The following FBXL2 variants were observed in gnomAD, a reference collection of about 807,000 sequenced individuals.
FBXL2 encodes F-box/LRR-repeat protein 2.
In FBXL2, 38 loss-of-function variants were observed where a neutral mutation model predicts 69.2. That is an observed-to-expected ratio of 0.55 (90% confidence interval 0.42 to 0.72). The LOEUF is 0.72. FBXL2 is among the 30% of genes least tolerant of loss of function. The pLI is 0.00. For synonymous variants in FBXL2, 192 were observed against 201.3 expected (o/e 0.95, Z 0.39); for missense variants, 354 against 520.3 (o/e 0.68, Z 3.11).
exon 13 of FBXL2, chr3:33,403,470 A>G (rs2044306862): frequency 6.7e-6 from 1 of 148,992 alleles, no homozygotes; most frequent in Non-Finnish European, 1.4e-5. Flanking sequence ...TCAACTGTGT[A>G]CAGTACTACA....
chr3:33,350,285 A>G (rs1468058136), intron 2 of FBXL2, among the ~76,000 whole-genome samples: 2 of 152,218 alleles, frequency 1.3e-5, no homozygotes, highest in Non-Finnish European at 2.9e-5. Context: ...AAAGAAAAAA[A>G]TCATGTGGTC....
intron 2 of FBXL2, among the ~76,000 whole-genome samples, chr3:33,342,711 CTTTTTTTTT>C (rs71070130): frequency 0.01 from 397 of 37,842 alleles, no homozygotes; most frequent in African/African-American, 0.017. Flanking sequence ...AATATAACTT[CTTTTTTTTT>C]TTTTTTTTTT....
At chr3:33,323,555 C>T (rs1337432224) in intron 2 of FBXL2, among the ~76,000 whole-genome samples, 5 of 152,022 alleles carry the variant, frequency 3.3e-5, no homozygotes, top group East Asian at 1.9e-4. Context: ...TGAGAACAGG[C>T]GGTGTTTGGT....
chr3:33,378,727 A>G lies in FBXL2; in HGVS notation c.937A>G (p.Lys313Glu), dbSNP rs932738288. Residue 313 changes from lysine to glutamate, a missense_variant, in exon 13 of 15, where the codon AAA becomes GAA. Coordinates refer to ENST00000484457, the MANE Select transcript of FBXL2 (RefSeq NM_012157.5). ...TLIQLSIHCP[K>E]LQALSLSHCE... ...CATCCAGCTCTCCATTCACTGTCCT[A>G]AACTGCAAGCCCTGGTGAGTCTGAG... is the stretch of plus-strand genomic sequence containing the variant. 4 of 1,614,092 alleles carry G rather than the reference A, an allele frequency of 2.5e-6. No individual in the cohort carries two copies. The highest frequency in any genetic ancestry group is 3.4e-6 in the Non-Finnish European group (4 of 1,179,990).
At chr3:33,306,117 A>AT (rs1290587335) in intron 2 of FBXL2, among the ~76,000 whole-genome samples, 4 of 151,794 alleles carry the variant, frequency 2.6e-5, no homozygotes, top group Non-Finnish European at 5.9e-5. Flanking sequence ...TTAATTGCTT[A>AT]TTTTTTGAGC....
intron 2 of FBXL2, among the ~76,000 whole-genome samples, chr3:33,323,841 C>T (rs774610423): frequency 6.6e-6 from 1 of 152,144 alleles, no homozygotes; most frequent in South Asian, 2.1e-4. Flanking sequence ...ATTGCTGGGT[C>T]AAATGATATT....
intron 1 of FBXL2, among the ~76,000 whole-genome samples, chr3:33,289,000 A>T (rs2034946016): frequency 6.6e-6 from 1 of 152,190 alleles, no homozygotes; most frequent in African/African-American, 2.4e-5. Flanking sequence ...CAAGAGGAAG[A>T]AGGAACTGCC....
chr3:33,290,420 A>G (rs976489975), intron 1 of FBXL2, among the ~76,000 whole-genome samples: 3 of 152,212 alleles, frequency 2.0e-5, no homozygotes, highest in African/African-American at 7.2e-5. Flanking sequence ...GAAACAAGAA[A>G]ATGTGATCCA....
At chr3:33,357,168 T>C (rs1323131538) in intron 2 of FBXL2, among the ~76,000 whole-genome samples, 2 of 152,270 alleles carry the variant, frequency 1.3e-5, no homozygotes, top group Non-Finnish European at 1.5e-5. Context: ...TTTTTGTTAT[T>C]ACCAGTATTG....
At chr3:33,399,812 T>C (rs1027190105) in intron 12 of FBXL2, among the ~76,000 whole-genome samples, 9 of 152,086 alleles carry the variant, frequency 5.9e-5, no homozygotes, top group South Asian at 2.1e-4. Flanking sequence ...ACTATAATTA[T>C]GTGAGAAACG....
At chr3:33,332,748 A>G (rs1559555514) in intron 2 of FBXL2, among the ~76,000 whole-genome samples, 2 of 152,214 alleles carry the variant, frequency 1.3e-5, no homozygotes, top group Non-Finnish European at 2.9e-5. Flanking sequence ...ACTGTACTGA[A>G]TACTATAAGT....
intron 2 of FBXL2, among the ~76,000 whole-genome samples, chr3:33,301,994 G>A (rs1322911428): frequency 6.6e-6 from 1 of 152,080 alleles, no homozygotes. Context: ...ACCTTATGGG[G>A]TTGTTGTTCT....
intron 2 of FBXL2, among the ~76,000 whole-genome samples, chr3:33,313,646 T>C (rs1032087253): frequency 4.0e-5 from 6 of 150,946 alleles, no homozygotes; most frequent in Non-Finnish European, 7.4e-5. Context: ...CAGGGTCTTA[T>C]TATGTTGCCC....
At chr3:33,304,611 G>T (rs1028002573) in intron 2 of FBXL2, among the ~76,000 whole-genome samples, 23 of 152,052 alleles carry the variant, frequency 1.5e-4, no homozygotes, top group Admixed American at 9.8e-4. Flanking sequence ...TGCTGCTTTG[G>T]ACATCCTCGT....
At chr3:33,290,530 G>A (rs1054856167) in intron 1 of FBXL2, among the ~76,000 whole-genome samples, 1 of 152,174 alleles carries the variant, frequency 6.6e-6, no homozygotes, top group African/African-American at 2.4e-5. Context: ...AAGATGTAAA[G>A]TGTGAAAGAT....
chr3:33,412,916 CAGT>C, the FBXL2 span: 2 of 809,104 alleles, frequency 2.5e-6, no homozygotes, highest in Non-Finnish European at 4.3e-6. Flanking sequence ...TAACCTGTAG[CAGT>C]AGAACACATA....
chr3:33,399,212 C>T (rs1414483978), intron 12 of FBXL2, among the ~76,000 whole-genome samples: 5 of 152,164 alleles, frequency 3.3e-5, no homozygotes. Context: ...GGATGTTTGG[C>T]CAGGCCATGT....
intron 4 of FBXL2, among the ~76,000 whole-genome samples, chr3:33,362,756 G>A (rs1575344119): frequency 6.6e-6 from 1 of 151,384 alleles, no homozygotes; most frequent in Non-Finnish European, 1.5e-5. Flanking sequence ...ATGGAGAAGA[G>A]TATATTAGGT....
chr3:33,411,072 CAAAA>C, the FBXL2 span, among the ~76,000 whole-genome samples: 2 of 65,540 alleles, frequency 3.1e-5, no homozygotes, highest in African/African-American at 6.0e-5. Flanking sequence ...AACTCCATCT[CAAAA>C]AAAAAAAAAA....
Sources: allele counts gnomAD v4.1 joint callset (sites outside exome capture counted in the v4.1 genomes callset), GRCh38; gene constraint gnomAD v4.1.1; transcripts MANE v1.5; gene names NCBI Gene and HGNC (gene_info 2026-07-23, HGNC 2026-07-21).